The following PCDHGB5 variants were observed in gnomAD, a reference collection of about 807,000 sequenced individuals.
The protein encoded by PCDHGB5 is protocadherin gamma subfamily B, 5, also known as protocadherin gamma-B5.
A neutral mutation model predicts 62.9 loss-of-function variants in PCDHGB5; 48 were observed. The ratio of observed to expected loss-of-function variants is 0.76; its 90% confidence interval spans 0.61 to 0.97. The LOEUF (loss-of-function observed/expected upper bound fraction) is 0.97, where lower values mean the gene tolerates loss of function less well. PCDHGB5 is among the 50% of genes least tolerant of loss of function. The probability of loss-of-function intolerance (pLI) is 0.00; values close to 1 mark genes in which losing one functional copy is unlikely to be tolerated. For synonymous variants in PCDHGB5, 474 were observed against 511.2 expected (o/e 0.93, Z 0.98); for missense variants, 1,118 against 1,198.6 (o/e 0.93, Z 0.99).
Position 141,485,967 on chromosome 5 carries a change from A to G in PCDHGB5, c.2398-8840A>G, listed in dbSNP as rs751904053. 2.5e-6 allele frequency: 4 copies of G among 1,614,194 alleles called. No individual in the cohort carries two copies. The South Asian group carries it at 4.4e-5, about 18-fold the overall frequency. On this transcript the variant is annotated intron_variant, in intron 1 of 3. Transcript: ENST00000617380. This position sits in a 1 kb window ranked among gnomAD's most constrained non-coding sequence, Gnocchi z 5.7. The stretch of plus-strand genomic sequence containing the variant: ...GCGGGCATGGTGCTCATCCAGCTCA[A>G]TGCCTCAGACCCGGACCTGGGTCCC...
intron 1 of PCDHGB5, chr5:141,421,632 G>A (rs2096589368): frequency 6.2e-7 from 1 of 1,613,846 alleles, no homozygotes; most frequent in South Asian, 1.1e-5. Context: ...CCAGCTTCCA[G>A]GAGGACGAAG....
rs1266310917 is a variant in PCDHGB5 at position 141,486,868 on chromosome 5, G to A, written c.2398-7939G>A. 2 of 1,614,104 alleles carry A rather than the reference G, an allele frequency of 1.2e-6. No homozygotes were observed. Among genetic ancestry groups the A allele is most frequent in the Non-Finnish European group, 1.7e-6 (2 of 1,180,056 alleles). ...ACCTCAATGACAATGCTCCAGCTGT[G>A]CTCCGTCCTCGGGCCCGGCCTGGTT... On this transcript the variant is annotated intron_variant, in intron 1 of 3. Transcript: ENST00000617380. The surrounding 1 kb of genome is among the most constrained non-coding windows in gnomAD (Gnocchi z 5.0).
intron 1 of PCDHGB5, chr5:141,433,160 A>G: frequency 1.9e-6 from 3 of 1,613,848 alleles, no homozygotes; most frequent in Middle Eastern, 1.7e-4. Context: ...GGTATTTTCT[A>G]AAGACAGTCA....
chr5:141,414,867 C>T (rs2095797355), intron 1 of PCDHGB5: 9 of 1,614,230 alleles, frequency 5.6e-6, no homozygotes, highest in South Asian at 1.1e-5. Flanking sequence ...ACAATGCGCC[C>T]GAGATCCTGT....
rs758066525 is a variant in PCDHGB5, at chr5:141,477,331, T to C, written c.2398-17476T>C. The C allele has an allele frequency of 7.4e-6, 12 of 1,614,024 alleles. No individual in the cohort carries two copies. In the East Asian group the frequency reaches 1.1e-4, roughly 15 times the overall value. Reference sequence around the variant, plus strand: ...TCAGCCTTACTTCTTCCCTCAAGAATTACTTCACTTTGAAAACCAGTGCAG... The same window carrying C: ...TCAGCCTTACTTCTTCCCTCAAGAACTACTTCACTTTGAAAACCAGTGCAG... On this transcript the variant is annotated intron_variant, in intron 1 of 3. Coordinates refer to ENST00000617380, the MANE Select transcript of PCDHGB5 (RefSeq NM_018925.3). This position sits in a 1 kb window ranked among gnomAD's most constrained non-coding sequence, Gnocchi z 4.9.
chr5:141,409,522 G>A (rs371017853), intron 1 of PCDHGB5: 30 of 1,613,874 alleles, frequency 1.9e-5, no homozygotes, highest in Non-Finnish European at 2.3e-5. Flanking sequence ...GCATCACCTT[G>A]TATGTCGCTG....
intron 1 of PCDHGB5, chr5:141,422,543 T>A: frequency 3.1e-6 from 5 of 1,614,000 alleles, no homozygotes; most frequent in Non-Finnish European, 4.2e-6. Flanking sequence ...GAAACTCATG[T>A]CTGGCTGAAT....
rs1420211451 is a variant in PCDHGB5, at chr5:141,399,755, G to A, written c.1628G>A (p.Ser543Asn). 6.2e-7 allele frequency: 1 copy of A among 1,613,232 alleles called. No homozygotes were observed. Among genetic ancestry groups the A allele is most frequent in the African/African-American group, 1.3e-5 (1 of 74,944 alleles). The change falls in exon 1 of 4, where the codon AGC becomes AAC. Residue 543 changes from serine to asparagine, a missense_variant. Ser to Asn is a conservative substitution (Grantham distance 46). This residue lies in a region of PCDHGB5 where 1,034 missense variants were observed against 1,029.1 expected (regional missense o/e 1.00). Transcript: ENST00000617380. ...QGSPALSANV[S>N]LRVLVGDRND... Reference sequence around the variant, plus strand: ...TCGCCTGCGCTCAGCGCAAACGTGAGCCTGCGCGTGTTGGTGGGCGACCGA... The same window carrying A: ...TCGCCTGCGCTCAGCGCAAACGTGAACCTGCGCGTGTTGGTGGGCGACCGA...
intron 2 of PCDHGB5, among the ~76,000 whole-genome samples, chr5:141,498,114 G>C (rs1336064850): frequency 6.6e-6 from 1 of 152,196 alleles, no homozygotes; most frequent in East Asian, 1.9e-4. Flanking sequence ...CGTATAATAG[G>C]GATTTGATTT....
chr5:141,421,047 C>G, intron 1 of PCDHGB5: 1 of 552,794 alleles, frequency 1.8e-6, no homozygotes, highest in Middle Eastern at 4.8e-4. Flanking sequence ...CCTCCCCCGC[C>G]TCTACCACAC....
intron 1 of PCDHGB5, chr5:141,410,318 G>A: frequency 6.2e-7 from 1 of 1,613,982 alleles, no homozygotes; most frequent in Non-Finnish European, 8.5e-7. Flanking sequence ...CTTCCTCCTC[G>A]CCGTGATTCT....
intron 1 of PCDHGB5, chr5:141,423,815 C>G (rs1002418139): frequency 7.9e-7 from 1 of 1,271,358 alleles, no homozygotes; most frequent in African/African-American, 1.6e-5. Context: ...GTGAGTTTTA[C>G]TTTGCCTTTC....
rs1388608588 is a variant in PCDHGB5 at position 141,481,102 on chromosome 5, A to T, written c.2398-13705A>T. The stretch of plus-strand genomic sequence containing the variant: ...GAAAAAAGAAAAGCAGTACTCTGGA[A>T]CCTACCAATCCATCATTTAGCATAT... On this transcript the variant is annotated intron_variant, in intron 1 of 3. Transcript: ENST00000617380. 3.3e-5 allele frequency among the ~76,000 whole-genome samples: 5 copies of T among 152,288 alleles called. No individual in the cohort carries two copies. The East Asian group carries it at 7.7e-4, about 24-fold the overall frequency.
chr5:141,472,529 G>C lies in PCDHGB5; in HGVS notation c.2398-22278G>C, dbSNP rs553065027. 9.3e-5 allele frequency among the ~76,000 whole-genome samples: 14 copies of C among 151,058 alleles called. No individual in the cohort carries two copies. In the East Asian group the frequency reaches 2.6e-3, roughly 28 times the overall value. ...CACTCCAGCCTGGGTGACAGAGTGA[G>C]ACACCATCTCAAGAAAAAAAAAATT... On this transcript the variant is annotated intron_variant, in intron 1 of 3. Transcript: ENST00000617380.
chr5:141,495,817 T>G (rs2099764054), intron 2 of PCDHGB5, among the ~76,000 whole-genome samples: 1 of 152,110 alleles, frequency 6.6e-6, no homozygotes, highest in African/African-American at 2.4e-5. Context: ...TAGCGCCTTG[T>G]GTTCTTCTAT....
intron 1 of PCDHGB5, chr5:141,423,627 C>T (rs925883716): frequency 6.2e-7 from 1 of 1,604,886 alleles, no homozygotes; most frequent in African/African-American, 1.3e-5. Context: ...ACTCAGCTAT[C>T]ATTTTAGGCA....
At position 141,418,522 on chromosome 5, in the gene PCDHGB5, C is replaced by T. The variant is rs751177053; in HGVS notation, c.2397+17998C>T. The T allele has an allele frequency of 1.5e-5, 24 of 1,613,884 alleles. No individual in the cohort carries two copies. The African/African-American group carries it at 2.7e-4, about 18-fold the overall frequency. ...CCGCCTTAGATGGTGGGGACCCTCC[C>T]CGAAGCGGTACTGCTCAGATAAGAA... is the stretch of plus-strand genomic sequence containing the variant. On this transcript the variant is annotated intron_variant, in intron 1 of 3. Transcript: ENST00000617380.
Position 141,432,093 on chromosome 5 carries a change from C to G in PCDHGB5, c.2397+31569C>G. On this transcript the variant is annotated intron_variant, in intron 1 of 3. Coordinates refer to ENST00000617380, the MANE Select transcript of PCDHGB5 (RefSeq NM_018925.3). This position sits in a 1 kb window ranked among gnomAD's most constrained non-coding sequence, Gnocchi z 6.0. ...CATATCTCGCTGAACGTGGCAGACA[C>G]CAACGACAACCCGCCGGTCTTCCCT... 1 of 1,614,170 alleles carries G rather than the reference C, an allele frequency of 6.2e-7. No individual in the cohort carries two copies. The highest frequency in any genetic ancestry group is 8.5e-7 in the Non-Finnish European group (1 of 1,180,046).
At position 141,485,320 on chromosome 5, in the gene PCDHGB5, T is replaced by G; in HGVS notation, c.2398-9487T>G. The G allele has an allele frequency of 6.2e-7, 1 of 1,614,114 alleles. No individual in the cohort carries two copies. The highest frequency in any genetic ancestry group is 8.5e-7 in the Non-Finnish European group (1 of 1,180,018). ...AAGGGACTTTTGTAGGGAATGTCGC[T>G]CAAGATTTCCTGCTGGATACGGACA... is the stretch of plus-strand genomic sequence containing the variant. On this transcript the variant is annotated intron_variant, in intron 1 of 3. Transcript: ENST00000617380. The surrounding 1 kb of genome is among the most constrained non-coding windows in gnomAD (Gnocchi z 5.7).
Sources: allele counts gnomAD v4.1 joint callset (sites outside exome capture counted in the v4.1 genomes callset), GRCh38; gene constraint gnomAD v4.1.1; regional missense constraint gnomAD v4.1.1; non-coding constraint Gnocchi (gnomAD v3.1); transcripts MANE v1.5; gene names NCBI Gene and HGNC (gene_info 2026-07-23, HGNC 2026-07-21).